The following ARL8B variants were observed in gnomAD, a reference collection of about 807,000 sequenced individuals.
The protein encoded by ARL8B is ADP-ribosylation factor-like protein 8B.
ARL8B carries 9 observed loss-of-function variants against 30.6 expected under a neutral mutation model. That is an observed-to-expected ratio of 0.29 (90% confidence interval 0.18 to 0.51). The LOEUF is 0.51. Ranked by LOEUF, ARL8B falls within the 20% of genes least tolerant of loss-of-function variation. The pLI is 0.97. For synonymous variants in ARL8B, 74 were observed against 76.0 expected (o/e 0.97, Z 0.14); for missense variants, 130 against 227.2 (o/e 0.57, Z 2.75).
chr3:5,126,338 ATGTAT>A lies in ARL8B; in HGVS notation c.123+3753_123+3757del, dbSNP rs143194030. 4.7e-3 allele frequency among the ~76,000 whole-genome samples: 719 copies of A among 152,324 alleles called. 6 individuals carry two copies. The highest frequency in any genetic ancestry group is 0.017 in the African/African-American group (696 of 41,582). On this transcript the variant is annotated intron_variant, in intron 1 of 6. Transcript: ENST00000256496. The stretch of plus-strand genomic sequence containing the variant: ...TTGCTTTATAGAATCAGAAATACAG[ATGTAT>A]TGAGTACTATGTGTCACTCTAGAAA...
At chr3:5,162,323 G>A (rs2054590810) in intron 1 of ARL8B, among the ~76,000 whole-genome samples, 1 of 152,218 alleles carries the variant, frequency 6.6e-6, no homozygotes, top group Admixed American at 6.5e-5. Flanking sequence ...TAGATGAAAT[G>A]TTGGCATGCA....
chr3:5,126,882 G>T (rs187751021), intron 1 of ARL8B, among the ~76,000 whole-genome samples: 1 of 152,154 alleles, frequency 6.6e-6, no homozygotes, highest in Admixed American at 6.5e-5. Context: ...TTTAACTGGG[G>T]CTTTTAGATA....
At chr3:5,151,598 G>A (rs2106562705) in intron 1 of ARL8B, among the ~76,000 whole-genome samples, 1 of 152,190 alleles carries the variant, frequency 6.6e-6, no homozygotes, top group East Asian at 1.9e-4. Flanking sequence ...CAAGTATTTG[G>A]TTGTTTCCAG....
intron 1 of ARL8B, among the ~76,000 whole-genome samples, chr3:5,130,190 A>ATG (rs1214111973): frequency 8.3e-6 from 1 of 120,658 alleles, no homozygotes; most frequent in Non-Finnish European, 1.6e-5. Context: ...AAAAAAAAAT[A>ATG]TATATTTTTT....
intron 1 of ARL8B, among the ~76,000 whole-genome samples, chr3:5,134,996 A>C (rs573126652): frequency 6.6e-6 from 1 of 152,078 alleles, no homozygotes; most frequent in African/African-American, 2.4e-5. Context: ...CTGCCGGCAC[A>C]CACCACCACG....
chr3:5,172,346 T>G, intron 3 of ARL8B, 123 bp downstream of exon 3: 1 of 819,172 alleles, frequency 1.2e-6, no homozygotes, highest in Non-Finnish European at 2.0e-6. Context: ...TCTTAGCTAA[T>G]ATCCTAGTGT....
At position 5,153,276 on chromosome 3, in the gene ARL8B, G is replaced by A. The variant is rs577544662; in HGVS notation, c.124-17227G>A. On this transcript the variant is annotated intron_variant, in intron 1 of 6. Coordinates refer to ENST00000256496, the MANE Select transcript of ARL8B (RefSeq NM_018184.3). Reference sequence around the variant, plus strand: ...CTTTGAAGTCCCACAATTCCCATGTGTCATGGGAGGAACCTGGTGGGAGGT... The same window carrying A: ...CTTTGAAGTCCCACAATTCCCATGTATCATGGGAGGAACCTGGTGGGAGGT... 5.9e-4 allele frequency among the ~76,000 whole-genome samples: 90 copies of A among 152,276 alleles called. 1 individual carries two copies. Among genetic ancestry groups the A allele is most frequent in the Admixed American group, 1.2e-3 (19 of 15,300 alleles).
At chr3:5,161,663 C>T (rs1012773901) in intron 1 of ARL8B, among the ~76,000 whole-genome samples, 1 of 152,180 alleles carries the variant, frequency 6.6e-6, no homozygotes, top group African/African-American at 2.4e-5. Flanking sequence ...TTAGAGTTCT[C>T]TGTATCTAAT....
rs1202508475 is a variant in ARL8B, at chr3:5,153,215, T to C, written c.124-17288T>C. ...ATTGTAGTCATTATCGGTAATATAC[T>C]GATAGGACTTGGCAGTGTCCCCACC... On this transcript the variant is annotated intron_variant, in intron 1 of 6. Transcript: ENST00000256496. 2.6e-5 allele frequency among the ~76,000 whole-genome samples: 4 copies of C among 152,208 alleles called. No individual in the cohort carries two copies. The East Asian group carries it at 7.7e-4, about 29-fold the overall frequency.
At chr3:5,142,675 T>G (rs1321266243) in intron 1 of ARL8B, among the ~76,000 whole-genome samples, 1 of 152,228 alleles carries the variant, frequency 6.6e-6, no homozygotes, top group African/African-American at 2.4e-5. Context: ...CTTTTAGGGT[T>G]ATTATTTGGC....
chr3:5,131,749 A>G (rs2054285649), intron 1 of ARL8B, among the ~76,000 whole-genome samples: 1 of 152,164 alleles, frequency 6.6e-6, no homozygotes, highest in African/African-American at 2.4e-5. Context: ...CCTTATATGA[A>G]TATTTTGGTT....
intron 1 of ARL8B, among the ~76,000 whole-genome samples, chr3:5,134,599 A>G (rs887861376): frequency 1.3e-5 from 2 of 152,196 alleles, no homozygotes; most frequent in Non-Finnish European, 2.9e-5. Flanking sequence ...TGCCAGGTAA[A>G]CACGTAGATA....
intron 4 of ARL8B, among the ~76,000 whole-genome samples, chr3:5,173,603 G>A (rs1327816561): frequency 6.6e-6 from 1 of 152,044 alleles, no homozygotes; most frequent in Non-Finnish European, 1.5e-5. Flanking sequence ...GGTGGTGGGC[G>A]CCTGTAGTCC....
In ARL8B at chr3:5,174,337, C is replaced by T. The variant is rs368359386; in HGVS notation, c.441-7C>T. ...GCACAGACTTATCCTTTTAATTCTT[C>T]TCATAGGAATCTGTCTGCTATTCAG... On this transcript the variant is annotated splice_polypyrimidine_tract_variant and splice_region_variant and intron_variant, in intron 5 of 6. Coordinates refer to ENST00000256496, the MANE Select transcript of ARL8B (RefSeq NM_018184.3). 27 of 1,587,910 alleles carry T rather than the reference C, an allele frequency of 1.7e-5. No homozygotes were observed. In the African/African-American group the frequency reaches 2.8e-4, roughly 17 times the overall value.
chr3:5,159,525 C>A (rs1250020343), intron 1 of ARL8B, among the ~76,000 whole-genome samples: 1 of 143,390 alleles, frequency 7.0e-6, no homozygotes, highest in African/African-American at 2.6e-5. Context: ...TCCCTTGAAC[C>A]TGGGAGGTGG....
At chr3:5,163,895 T>G (rs1477455524) in intron 1 of ARL8B, among the ~76,000 whole-genome samples, 3 of 152,016 alleles carry the variant, frequency 2.0e-5, no homozygotes, top group Non-Finnish European at 2.9e-5. Context: ...GAGAGTGCTG[T>G]AAAGGGAATA....
intron 1 of ARL8B, among the ~76,000 whole-genome samples, chr3:5,124,478 T>C (rs1238799409): frequency 6.6e-6 from 1 of 151,666 alleles, no homozygotes; most frequent in Non-Finnish European, 1.5e-5. Context: ...TTTCTTTTCT[T>C]TTTTGGAGAC....
intron 1 of ARL8B, among the ~76,000 whole-genome samples, chr3:5,146,176 A>G (rs997297408): frequency 6.6e-6 from 1 of 152,160 alleles, no homozygotes; most frequent in African/African-American, 2.4e-5. Flanking sequence ...TTCCCATTCA[A>G]AGGCAAAGAG....
At chr3:5,146,509 AGTT>A (rs1192301715) in intron 1 of ARL8B, among the ~76,000 whole-genome samples, 2 of 152,082 alleles carry the variant, frequency 1.3e-5, no homozygotes, top group Admixed American at 6.6e-5. Flanking sequence ...TCTGCAAACT[AGTT>A]CTCCTGGTTG....
Sources: gnomAD v4.1 joint callset for allele counts (sites outside exome capture counted in the v4.1 genomes callset) on GRCh38, gnomAD v4.1.1 for gene constraint, MANE v1.5 for transcripts, NCBI Gene and HGNC (gene_info 2026-07-23, HGNC 2026-07-21) for gene names.